LRRC8D: variants seen among roughly 807,000 people sequenced by gnomAD.
LRRC8D encodes volume-regulated anion channel subunit LRRC8D.
Under a neutral mutation model 55.8 loss-of-function variants are expected in LRRC8D, and 20 were observed. That is an observed-to-expected ratio of 0.36 (90% CI 0.25 to 0.52). LRRC8D has a LOEUF of 0.52. LRRC8D is among the 20% of genes least tolerant of loss of function. LRRC8D has a pLI of 0.93. For synonymous variants in LRRC8D, 352 were observed against 377.0 expected (o/e 0.93, Z 0.77); for missense variants, 651 against 1,030.8 (o/e 0.63, Z 5.05).
At chr1:89,924,866 AATACACATGG>A (rs1663517116) in intron 2 of LRRC8D, among the ~76,000 whole-genome samples, 1 of 152,204 alleles carries the variant, frequency 6.6e-6, no homozygotes, top group Non-Finnish European at 1.5e-5. Flanking sequence ...CTAAACACTG[AATACACATGG>A]ATACAAAGAA....
At chr1:89,901,056 T>A (rs1352456656) in intron 2 of LRRC8D, among the ~76,000 whole-genome samples, 1 of 152,198 alleles carries the variant, frequency 6.6e-6, no homozygotes, top group Non-Finnish European at 1.5e-5. Context: ...ACTGTGACCA[T>A]GCATTTCTAG....
intron 2 of LRRC8D, among the ~76,000 whole-genome samples, chr1:89,880,500 A>G (rs1662255708): frequency 6.7e-6 from 1 of 148,910 alleles, no homozygotes; most frequent in Admixed American, 6.7e-5. Flanking sequence ...TGAGTGTTCT[A>G]CATTCTGCAG....
rs1269721284 is a variant in LRRC8D at position 89,843,663 on chromosome 1, C to T, written c.-122C>T. ...GAAGTGCACGGCTGTCTATAACGTG[C>T]TGCCGGGTCTCAGGATGGAGGAGTG... On this transcript the variant is annotated 5_prime_UTR_variant, in exon 2 of 3. Transcript: ENST00000337338. 2.8e-6 allele frequency: 2 copies of T among 702,436 alleles called. No homozygotes were observed. The highest frequency in any genetic ancestry group is 2.0e-5 in the Admixed American group (1 of 50,004). 43.5% of individuals were successfully genotyped at this position (702,436 alleles called of 1,614,324 possible). A position where few individuals can be genotyped will look rare whatever the true frequency, so the allele number is the denominator to read the frequency against.
intron 2 of LRRC8D, 67 bp downstream of exon 2, chr1:89,843,849 GTCGGATCTGCATCTC>G: frequency 1.7e-6 from 1 of 587,256 alleles, no homozygotes; most frequent in Non-Finnish European, 3.1e-6. Flanking sequence ...CACTGCTAGT[GTCGGATCTGCATCTC>G]CAGCTCTGTG....
At chr1:89,863,650 G>C (rs1164234921) in intron 2 of LRRC8D, among the ~76,000 whole-genome samples, 1 of 130,988 alleles carries the variant, frequency 7.6e-6, no homozygotes. Flanking sequence ...ATTTTCTGTG[G>C]TCTGTGTTAT....
At chr1:89,868,899 T>TTTTTGTTTTG (rs371916598) in intron 2 of LRRC8D, among the ~76,000 whole-genome samples, 1 of 152,088 alleles carries the variant, frequency 6.6e-6, no homozygotes, top group African/African-American at 2.4e-5. Context: ...TGTTGTTGTT[T>TTTTTGTTTTG]TTTTGTTTTG....
chr1:89,906,282 G>C (rs1383408247), intron 2 of LRRC8D, among the ~76,000 whole-genome samples: 1 of 152,116 alleles, frequency 6.6e-6, no homozygotes, highest in East Asian at 1.9e-4. Context: ...TAGCCCAAAG[G>C]TGAATTTTAC....
intron 1 of LRRC8D, among the ~76,000 whole-genome samples, chr1:89,840,230 C>T (rs1661099841): frequency 1.2e-5 from 1 of 85,462 alleles, no homozygotes; most frequent in South Asian, 3.3e-4. Flanking sequence ...CGTGCGCATG[C>T]ACACACACAC....
chr1:89,910,957 G>A (rs953922797), intron 2 of LRRC8D, among the ~76,000 whole-genome samples: 1 of 152,126 alleles, frequency 6.6e-6, no homozygotes, highest in Non-Finnish European at 1.5e-5. Context: ...GTATACCATG[G>A]TCAAGGAAAT....
intron 2 of LRRC8D, chr1:89,846,437 C>G (rs1300234447): frequency 6.6e-6 from 1 of 151,638 alleles, no homozygotes; most frequent in Non-Finnish European, 1.5e-5. Context: ...TGAGATGTAA[C>G]TTGTCAGTGG....
At chr1:89,869,541 T>C (rs1557459780) in intron 2 of LRRC8D, among the ~76,000 whole-genome samples, 2 of 152,258 alleles carry the variant, frequency 1.3e-5, no homozygotes, top group East Asian at 1.9e-4. Flanking sequence ...CACTTCAGGA[T>C]ATTATCCAGG....
In LRRC8D at chr1:89,883,353, T is replaced by A. The variant is rs1036528513; in HGVS notation, c.-3+39571T>A. 6.6e-5 allele frequency among the ~76,000 whole-genome samples: 10 copies of A among 152,232 alleles called. No homozygotes were observed. In the East Asian group the frequency reaches 1.7e-3, roughly 26 times the overall value. ...TTAGATCCAGTTGGATCAACTAAGA[T>A]CCAATCTGATCTTCGTTGGATTAAA... On this transcript the variant is annotated intron_variant, in intron 2 of 2. Coordinates refer to ENST00000337338, the MANE Select transcript of LRRC8D (RefSeq NM_001134479.2).
Position 89,935,285 on chromosome 1 carries a change from C to T in LRRC8D, c.2217C>T (p.Asn739=), listed in dbSNP as rs746847125. The change falls in exon 3 of 3, where the codon AAC becomes AAT. Residue 739 remains asparagine (N), a synonymous_variant. Coordinates refer to ENST00000337338, the MANE Select transcript of LRRC8D (RefSeq NM_001134479.2). Reference sequence around the variant, plus strand: ...TCAGATGCTTAGATGTGAGCTACAACAACATTTCAATGATTCCAATAGAAA... The same window carrying T: ...TCAGATGCTTAGATGTGAGCTACAATAACATTTCAATGATTCCAATAGAAA... ...QKLRCLDVSY[N]NISMIPIEIG... 9.9e-6 allele frequency: 16 copies of T among 1,614,068 alleles called. No homozygotes were observed. The Admixed American group carries it at 1.3e-4, about 13-fold the overall frequency.
intron 2 of LRRC8D, among the ~76,000 whole-genome samples, chr1:89,849,193 C>G (rs974082240): frequency 1.3e-5 from 2 of 152,148 alleles, no homozygotes; most frequent in African/African-American, 4.8e-5. Context: ...TCTTACCTAC[C>G]CTTTCAGCAA....
At chr1:89,860,164 C>T (rs1376680545) in intron 2 of LRRC8D, among the ~76,000 whole-genome samples, 2 of 152,162 alleles carry the variant, frequency 1.3e-5, no homozygotes, top group Non-Finnish European at 2.9e-5. Flanking sequence ...AGAAAGCTTA[C>T]AAATCTCCTA....
At chr1:89,843,844 C>T (rs930549849) in intron 2 of LRRC8D, 62 bp downstream of exon 2, 1 of 592,842 alleles carries the variant, frequency 1.7e-6, no homozygotes, top group Non-Finnish European at 3.1e-6. Flanking sequence ...CGGAGCACTG[C>T]TAGTGTCGGA....
chr1:89,894,332 T>C (rs1410879621), intron 2 of LRRC8D, among the ~76,000 whole-genome samples: 1 of 152,216 alleles, frequency 6.6e-6, no homozygotes, highest in East Asian at 1.9e-4. Context: ...AGCCCCATAT[T>C]ACTCACTCTC....
At chr1:89,901,568 A>G (rs1662850437) in intron 2 of LRRC8D, among the ~76,000 whole-genome samples, 1 of 151,774 alleles carries the variant, frequency 6.6e-6, no homozygotes, top group African/African-American at 2.4e-5. Context: ...GTCCCTGCCA[A>G]CTCCATTCTT....
intron 1 of LRRC8D, among the ~76,000 whole-genome samples, chr1:89,831,961 C>T (rs1660897739): frequency 6.6e-6 from 1 of 152,140 alleles, no homozygotes; most frequent in Admixed American, 6.5e-5. Flanking sequence ...GGAACACCAG[C>T]TTGTTTTGCT....
Sources: gnomAD v4.1 joint callset for allele counts (sites outside exome capture counted in the v4.1 genomes callset) on GRCh38, gnomAD v4.1.1 for gene constraint, MANE v1.5 for transcripts, NCBI Gene and HGNC (gene_info 2026-07-23, HGNC 2026-07-21) for gene names.